NWD1: variants seen among roughly 807,000 people sequenced by gnomAD.
NWD1 encodes the protein NACHT domain- and WD repeat-containing protein 1.
In NWD1, 129 loss-of-function variants were observed where a neutral mutation model predicts 135.1. That is an observed-to-expected ratio of 0.96 (90% confidence interval 0.83 to 1.11). The LOEUF (loss-of-function observed/expected upper bound fraction) is 1.11. Among genes scored for constraint, NWD1 ranks in the 50% least tolerant of loss-of-function variants. The probability of loss-of-function intolerance (pLI) is 0.00; values close to 1 mark genes in which losing one functional copy is unlikely to be tolerated. For synonymous variants in NWD1, 773 were observed against 786.0 expected (o/e 0.98, Z 0.28); for missense variants, 1,740 against 1,851.3 (o/e 0.94, Z 1.10).
At chr19:16,807,047 G>A (rs985250054) in intron 17 of NWD1, among the ~76,000 whole-genome samples, 1 of 151,656 alleles carries the variant, frequency 6.6e-6, no homozygotes, top group African/African-American at 2.4e-5. Context: ...AATTAGTAGG[G>A]CACAGTGGCA....
chr19:16,735,520 AAAAGAAAG>A (rs367589031), intron 3 of NWD1, among the ~76,000 whole-genome samples: 1 of 151,330 alleles, frequency 6.6e-6, no homozygotes, highest in Non-Finnish European at 1.5e-5. Context: ...ACCAAAAAAA[AAAAGAAAG>A]AAAGAAAGAA....
intron 17 of NWD1, among the ~76,000 whole-genome samples, chr19:16,802,957 A>AAAC (rs1970646493): frequency 6.6e-6 from 1 of 151,936 alleles, no homozygotes; most frequent in African/African-American, 2.4e-5. Flanking sequence ...CAAAAAAAAA[A>AAAC]AAAAAAAAGA....
At chr19:16,722,091 C>CAA (rs1426888770) in intron 1 of NWD1, among the ~76,000 whole-genome samples, 1 of 151,016 alleles carries the variant, frequency 6.6e-6, no homozygotes, top group Non-Finnish European at 1.5e-5. Flanking sequence ...CTAATCTGGG[C>CAA]AATGGAGTGA....
chr19:16,771,032 G>A (rs565715635), intron 10 of NWD1, among the ~76,000 whole-genome samples: 2 of 152,224 alleles, frequency 1.3e-5, no homozygotes, highest in South Asian at 2.1e-4. Flanking sequence ...GAGTGCGGGG[G>A]TTCACGCTTC....
chr19:16,740,680 C>T (rs80040095), intron 4 of NWD1, among the ~76,000 whole-genome samples: 29 of 146,928 alleles, frequency 2.0e-4, no homozygotes, highest in African/African-American at 6.9e-4. Flanking sequence ...GGAGTTGCTC[C>T]GTTACCCAGG....
intron 6 of NWD1, among the ~76,000 whole-genome samples, chr19:16,757,441 G>C (rs1438005500): frequency 6.6e-6 from 1 of 152,168 alleles, no homozygotes; most frequent in Non-Finnish European, 1.5e-5. Context: ...CAGAATAAGA[G>C]TTCAGAAAAA....
chr19:16,782,175 A>G (rs1260053751), intron 12 of NWD1, among the ~76,000 whole-genome samples: 1 of 151,526 alleles, frequency 6.6e-6, no homozygotes, highest in Non-Finnish European at 1.5e-5. Context: ...ATTTTATTTA[A>G]TTAATAAAAC....
intron 5 of NWD1, among the ~76,000 whole-genome samples, chr19:16,745,851 AG>A (rs1224185489): frequency 6.6e-6 from 1 of 152,150 alleles, no homozygotes; most frequent in Non-Finnish European, 1.5e-5. Context: ...CGGGAGTTGG[AG>A]GCTGCATTGA....
chr19:16,814,968 G>A lies in NWD1; in HGVS notation c.4288-60G>A, dbSNP rs1012377265. On this transcript the variant is annotated intron_variant, in intron 18 of 18. Coordinates refer to ENST00000524140, the MANE Select transcript of NWD1 (RefSeq NM_001007525.5). Reference sequence around the variant, plus strand: ...TTCCATGCAGCCAACTCTGGAATGTGTAGGATTGGACCTCTACACCCCATT... The same window carrying A: ...TTCCATGCAGCCAACTCTGGAATGTATAGGATTGGACCTCTACACCCCATT... 7.3e-5 allele frequency: 110 copies of A among 1,512,474 alleles called. 1 individual carries two copies. Among genetic ancestry groups the A allele is most frequent in the Middle Eastern group, 5.5e-4 (3 of 5,450 alleles). 93.7% of individuals were successfully genotyped at this position (1,512,474 alleles called of 1,614,324 possible).
rs570012960 is a variant in NWD1 at position 16,815,692 on chromosome 19, C to A, written c.*653C>A. 18 of 195,874 alleles carry A rather than the reference C, an allele frequency of 9.2e-5. No individual in the cohort carries two copies. Among genetic ancestry groups the A allele is most frequent in the African/African-American group, 1.2e-4 (5 of 42,378 alleles). The allele number at this position is 195,874 out of a possible 1,614,324, so 12.1% of individuals were successfully genotyped here. On this transcript the variant is annotated 3_prime_UTR_variant, in exon 19 of 19. Transcript: ENST00000524140. ...ATCTGGGAGAATGCAGAGCTCTAAT[C>A]GGCTAGACTGATCCAATGTCCACCA...
intron 1 of NWD1, among the ~76,000 whole-genome samples, chr19:16,723,339 C>T (rs1967206875): frequency 6.6e-6 from 1 of 152,194 alleles, no homozygotes; most frequent in Non-Finnish European, 1.5e-5. Context: ...GCTGGGACTA[C>T]AGGTGTGCAC....
At chr19:16,776,203 G>A (rs73521275) in intron 11 of NWD1, among the ~76,000 whole-genome samples, 27,556 of 152,030 alleles carry the variant, frequency 0.18, 5,874 homozygotes, top group African/African-American at 0.52. Context: ...ACTGTGCCCC[G>A]CTGTACATCC....
chr19:16,725,699 C>A (rs1404589951), intron 2 of NWD1, among the ~76,000 whole-genome samples: 1 of 149,430 alleles, frequency 6.7e-6, no homozygotes, highest in East Asian at 2.0e-4. Flanking sequence ...ACTACAGGGG[C>A]TCAGGACCAT....
chr19:16,756,305 A>G (rs1968795388), intron 6 of NWD1, among the ~76,000 whole-genome samples: 1 of 152,168 alleles, frequency 6.6e-6, no homozygotes, highest in Admixed American at 6.6e-5. Context: ...CATGAAGTGG[A>G]AGTGGATATC....
In NWD1 at chr19:16,732,677, T is replaced by TAAAAAAAAAAAAAA. The variant is rs1464805489; in HGVS notation, c.81+1399_81+1400insAAAAAAAAAAAAAA. Among the ~76,000 whole-genome samples the TAAAAAAAAAAAAAA allele has an allele frequency of 6.2e-4, 53 of 85,140 alleles. 4 individuals are homozygous for TAAAAAAAAAAAAAA. The highest frequency in any genetic ancestry group is 2.0e-3 in the African/African-American group (32 of 16,158). 55.9% of individuals were successfully genotyped at this position (85,140 alleles called of 152,430 possible). A position where few individuals can be genotyped will look rare whatever the true frequency, so the allele number is the denominator to read the frequency against. On this transcript the variant is annotated intron_variant, in intron 3 of 18. Transcript: ENST00000524140. ...CTCAAAAAAAAAAAAAAAGAAAAAG[T>TAAAAAAAAAAAAAA]GAAAAAGTGCAGTGGTGTGATCTCA...
chr19:16,758,003 G>A (rs1253593111), intron 6 of NWD1, among the ~76,000 whole-genome samples: 1 of 151,416 alleles, frequency 6.6e-6, no homozygotes. Context: ...AGTGAGCTGA[G>A]ATGGCGCCAC....
intron 1 of NWD1, among the ~76,000 whole-genome samples, chr19:16,722,157 G>C (rs114017892): frequency 6.3e-4 from 95 of 151,850 alleles, no homozygotes; most frequent in African/African-American, 2.2e-3. Flanking sequence ...AACTAGCTAG[G>C]CATGGTGGTG....
chr19:16,812,972 A>T, intron 18 of NWD1: 1 of 693,186 alleles, frequency 1.4e-6, no homozygotes, highest in Non-Finnish European at 2.6e-6. Flanking sequence ...CTTAGCTTTT[A>T]GGAAGGTGTC....
chr19:16,793,852 C>G (rs886279292), intron 14 of NWD1, among the ~76,000 whole-genome samples: 1 of 152,000 alleles, frequency 6.6e-6, no homozygotes, highest in South Asian at 2.1e-4. Context: ...GCTGGGATTA[C>G]AAGCATGAGC....
Sources: gnomAD v4.1 joint callset for allele counts (sites outside exome capture counted in the v4.1 genomes callset) on GRCh38, gnomAD v4.1.1 for gene constraint, MANE v1.5 for transcripts, NCBI Gene and HGNC (gene_info 2026-07-23, HGNC 2026-07-21) for gene names.